The following RNF121 variants were observed in gnomAD, a reference collection of about 807,000 sequenced individuals.
RNF121 encodes E3 ubiquitin ligase RNF121.
A neutral mutation model predicts 46.5 loss-of-function variants in RNF121; 21 were observed. That is an observed-to-expected ratio of 0.45 (90% CI 0.32 to 0.65). The LOEUF is 0.65. Ranked by LOEUF, RNF121 falls within the 30% of genes least tolerant of loss-of-function variation. The pLI is 0.04. For missense variants in RNF121, 346 were observed against 416.0 expected (o/e 0.83, Z 1.46); for synonymous variants, 139 against 144.7 (o/e 0.96, Z 0.28).
rs753054025 is a variant in RNF121, at chr11:71,960,813, C to T, written c.165C>T (p.Val55=). 7 of 1,614,046 alleles carry T rather than the reference C, an allele frequency of 4.3e-6. No homozygotes were observed. The South Asian group carries it at 6.6e-5, about 15-fold the overall frequency. Residue 55 remains valine, a synonymous_variant, in exon 3 of 9, where the codon GTC becomes GTT. Coordinates refer to ENST00000361756, the MANE Select transcript of RNF121 (RefSeq NM_018320.5). ...ATGAAGCTATGCATGCTGAAATGGT[C>T]CTCATCCTCATCGCAACCTTGGTGG... ...RGHEAMHAEM[V]LILIATLVVA...
chr11:71,931,733 G>T (rs1953282150), intron 1 of RNF121, among the ~76,000 whole-genome samples: 1 of 152,164 alleles, frequency 6.6e-6, no homozygotes, highest in South Asian at 2.1e-4. Context: ...AAGCACTTGA[G>T]TCAGCTAGGG....
chr11:71,970,127 A>C (rs1432621012), intron 3 of RNF121, among the ~76,000 whole-genome samples: 2 of 152,216 alleles, frequency 1.3e-5, no homozygotes, highest in Admixed American at 6.5e-5. Context: ...TAAGCCAGTC[A>C]CAAAGAGACC....
rs963708173 is a variant in RNF121, at chr11:71,979,890, T to C, written c.244-2871T>C. 2.0e-5 allele frequency among the ~76,000 whole-genome samples: 3 copies of C among 152,238 alleles called. No homozygotes were observed. The East Asian group carries it at 5.8e-4, about 29-fold the overall frequency. Reference sequence around the variant, plus strand: ...TTAATTATTCTCTGGGCCTACTGTTTTGTAAACAGCCCCATGAGCCTGTTA... The same window carrying C: ...TTAATTATTCTCTGGGCCTACTGTTCTGTAAACAGCCCCATGAGCCTGTTA... On this transcript the variant is annotated intron_variant, in intron 3 of 8. Transcript: ENST00000361756.
At chr11:71,990,162 T>C (rs547308892) in intron 5 of RNF121, among the ~76,000 whole-genome samples, 36 of 152,352 alleles carry the variant, frequency 2.4e-4, no homozygotes, top group African/African-American at 8.7e-4. Flanking sequence ...TTCCTCCTTA[T>C]GGATGGCTCA....
intron 1 of RNF121, among the ~76,000 whole-genome samples, chr11:71,934,582 AT>A (rs1301664717): frequency 6.6e-6 from 1 of 151,960 alleles, no homozygotes; most frequent in Non-Finnish European, 1.5e-5. Flanking sequence ...GTTGCCAGAG[AT>A]TTTCTTCTCT....
At chr11:71,967,340 G>GTTTTTTTTTTTTTTTTT (rs1337661759) in intron 3 of RNF121, among the ~76,000 whole-genome samples, 1 of 138,620 alleles carries the variant, frequency 7.2e-6, no homozygotes, top group African/African-American at 2.7e-5. Context: ...AATTATGTGG[G>GTTTTTTTTTTTTTTTTT]TTTTTTTTGT....
rs551121586 is a variant in RNF121, at chr11:71,947,066, A to C, written c.64-10161A>C. 3.3e-5 allele frequency among the ~76,000 whole-genome samples: 5 copies of C among 151,672 alleles called. 1 individual carries two copies. In the South Asian group the frequency reaches 8.3e-4, roughly 25 times the overall value. ...TTTTAAGTAGAGACGGGGTTTCACC[A>C]TGTTGCCCATGTGGTCTCAACCTCC... On this transcript the variant is annotated intron_variant, in intron 1 of 8. Transcript: ENST00000361756.
In RNF121 at chr11:71,996,413, A is replaced by T; in HGVS notation, c.*98A>T. On this transcript the variant is annotated 3_prime_UTR_variant, in exon 9 of 9. Coordinates refer to ENST00000361756, the MANE Select transcript of RNF121 (RefSeq NM_018320.5). ...AGACCTCCTGGGTGGGAAAGACTCA[A>T]AGGGGTGCTTGGGCCACTCAGGACC... 6.8e-7 allele frequency: 1 copy of T among 1,475,542 alleles called. No homozygotes were observed. The highest frequency in any genetic ancestry group is 2.4e-5 in the East Asian group (1 of 42,180). 91.4% of individuals were successfully genotyped at this position (1,475,542 alleles called of 1,614,324 possible). A position where few individuals can be genotyped will look rare whatever the true frequency, so the allele number is the denominator to read the frequency against.
chr11:71,989,323 C>T (rs953242107), intron 5 of RNF121, among the ~76,000 whole-genome samples: 1 of 152,164 alleles, frequency 6.6e-6, no homozygotes, highest in Non-Finnish European at 1.5e-5. Context: ...TCAGGTGATC[C>T]ACCTGCCTTG....
chr11:71,979,678 A>G (rs1483404688), intron 3 of RNF121, among the ~76,000 whole-genome samples: 5 of 152,256 alleles, frequency 3.3e-5, no homozygotes, highest in African/African-American at 1.2e-4. Flanking sequence ...CAGCTCATGT[A>G]GAGAAAATTA....
chr11:71,974,390 T>TA (rs950519326), intron 3 of RNF121, among the ~76,000 whole-genome samples: 2 of 152,266 alleles, frequency 1.3e-5, no homozygotes, highest in African/African-American at 4.8e-5. Context: ...ATAACACTTA[T>TA]AATGAATTGT....
chr11:71,981,998 G>T (rs537673699), intron 3 of RNF121, among the ~76,000 whole-genome samples: 1 of 152,140 alleles, frequency 6.6e-6, no homozygotes, highest in African/African-American at 2.4e-5. Context: ...GGAAGGCTTC[G>T]TGTGTCTTGG....
chr11:71,993,333 T>A (rs1954903206), intron 6 of RNF121, among the ~76,000 whole-genome samples: 1 of 152,218 alleles, frequency 6.6e-6, no homozygotes, highest in Admixed American at 6.5e-5. Context: ...TTTTTCTTCA[T>A]CCCAAACAGA....
intron 1 of RNF121, among the ~76,000 whole-genome samples, chr11:71,951,857 C>A (rs1953889312): frequency 6.6e-6 from 1 of 152,164 alleles, no homozygotes; most frequent in South Asian, 2.1e-4. Context: ...TTGGAACCCT[C>A]ACACACTGCT....
intron 3 of RNF121, chr11:71,978,265 T>A (rs1046043976): frequency 2.4e-6 from 1 of 409,762 alleles, no homozygotes; most frequent in Non-Finnish European, 4.9e-6. Context: ...CATGGTAGAC[T>A]GTTCTGTTCA....
At chr11:71,972,500 A>G (rs190823765) in intron 3 of RNF121, among the ~76,000 whole-genome samples, 58 of 152,182 alleles carry the variant, frequency 3.8e-4, no homozygotes, top group African/African-American at 1.3e-3. Context: ...TGGGCATCCA[A>G]TGACCACTGA....
intron 1 of RNF121, among the ~76,000 whole-genome samples, chr11:71,930,989 C>A (rs1302328579): frequency 6.6e-6 from 1 of 152,072 alleles, no homozygotes; most frequent in Non-Finnish European, 1.5e-5. Flanking sequence ...TGCACCACCA[C>A]GCCCGGCTGA....
intron 3 of RNF121, among the ~76,000 whole-genome samples, chr11:71,967,090 C>A (rs1174066134): frequency 6.7e-6 from 1 of 148,630 alleles, no homozygotes; most frequent in Non-Finnish European, 1.5e-5. Flanking sequence ...CCAGGATGGT[C>A]TCGATCTCCT....
chr11:71,938,834 T>C (rs1953489208), intron 1 of RNF121: 1 of 152,638 alleles, frequency 6.6e-6, no homozygotes, highest in African/African-American at 2.4e-5. Context: ...TCTGTAAATA[T>C]GGCAGTGCAT....
Sources: gnomAD v4.1 joint callset for allele counts (sites outside exome capture counted in the v4.1 genomes callset) on GRCh38, gnomAD v4.1.1 for gene constraint, MANE v1.5 for transcripts, NCBI Gene and HGNC (gene_info 2026-07-23, HGNC 2026-07-21) for gene names.